The following AGBL4 variants were observed in gnomAD, a reference collection of about 807,000 sequenced individuals.
AGBL4 encodes cytosolic carboxypeptidase 6.
A neutral mutation model predicts 66.4 loss-of-function variants in AGBL4; 58 were observed. That is an observed-to-expected ratio of 0.87 (90% CI 0.71 to 1.09). The LOEUF (loss-of-function observed/expected upper bound fraction) is 1.09, where lower values mean the gene tolerates loss of function less well. AGBL4 is among the 50% of genes least tolerant of loss of function. The probability of loss-of-function intolerance (pLI) is 0.00; values close to 1 mark genes in which losing one functional copy is unlikely to be tolerated. For synonymous variants in AGBL4, 234 were observed against 222.9 expected, an observed-to-expected ratio of 1.05 and a Z score of -0.44; for missense variants, 579 against 631.0, an observed-to-expected ratio of 0.92 and a Z score of 0.88.
intron 5 of AGBL4, among the ~76,000 whole-genome samples, chr1:48,955,268 T>C (rs531440265): frequency 6.6e-6 from 1 of 152,320 alleles, no homozygotes; most frequent in African/African-American, 2.4e-5. Context: ...ACCACAGTTA[T>C]AATATTTTTG....
At chr1:49,739,635 T>A (rs1177453761) in intron 2 of AGBL4, among the ~76,000 whole-genome samples, 1 of 152,042 alleles carries the variant, frequency 6.6e-6, no homozygotes, top group African/African-American at 2.4e-5. Context: ...GGAAAAAATG[T>A]TAAGGGCAGC....
chr1:48,879,706 G>A (rs1485279956), intron 5 of AGBL4, among the ~76,000 whole-genome samples: 2 of 152,020 alleles, frequency 1.3e-5, no homozygotes, highest in African/African-American at 4.8e-5. Context: ...CAACATATCT[G>A]TACCATAATG....
intron 3 of AGBL4, among the ~76,000 whole-genome samples, chr1:49,623,802 T>C (rs1387493958): frequency 6.6e-6 from 1 of 152,188 alleles, no homozygotes; most frequent in Non-Finnish European, 1.5e-5. Context: ...TTAAACACCA[T>C]ATCCCTTGTG....
chr1:48,865,297 C>T (rs947936270), intron 6 of AGBL4, among the ~76,000 whole-genome samples: 3 of 152,188 alleles, frequency 2.0e-5, no homozygotes, highest in Non-Finnish European at 4.4e-5. Flanking sequence ...CTTTCTAAGT[C>T]ATGGCACACA....
chr1:49,907,334 C>T (rs1650373088), intron 1 of AGBL4, among the ~76,000 whole-genome samples: 1 of 152,048 alleles, frequency 6.6e-6, no homozygotes, highest in Admixed American at 6.6e-5. Context: ...ATTAAGTATA[C>T]CAGTCCTTAT....
At chr1:49,362,565 A>T (rs1644163079) in intron 3 of AGBL4, among the ~76,000 whole-genome samples, 1 of 151,950 alleles carries the variant, frequency 6.6e-6, no homozygotes, top group Non-Finnish European at 1.5e-5. Flanking sequence ...GGAGTAAGAA[A>T]CCAGTCTTTT....
At chr1:49,199,684 G>C (rs1470067701) in intron 4 of AGBL4, among the ~76,000 whole-genome samples, 1 of 152,138 alleles carries the variant, frequency 6.6e-6, no homozygotes, top group East Asian at 1.9e-4. Flanking sequence ...TTGGCTTTTA[G>C]AATTTTTAAC....
intron 2 of AGBL4, among the ~76,000 whole-genome samples, chr1:49,764,283 C>T (rs1195606707): frequency 6.6e-6 from 1 of 152,118 alleles, no homozygotes; most frequent in East Asian, 1.9e-4. Context: ...CCACAGCCAC[C>T]AGTCTCCACT....
intron 4 of AGBL4, among the ~76,000 whole-genome samples, chr1:49,241,571 T>C (rs927021392): frequency 6.6e-6 from 1 of 152,074 alleles, no homozygotes; most frequent in Non-Finnish European, 1.5e-5. Context: ...ACATATTTAA[T>C]GTTTAGCATA....
chr1:49,507,605 G>T (rs1648817889), intron 3 of AGBL4, among the ~76,000 whole-genome samples: 1 of 151,768 alleles, frequency 6.6e-6, no homozygotes, highest in Non-Finnish European at 1.5e-5. Flanking sequence ...GGAAGCTGCA[G>T]GTTATTCAAT....
intron 6 of AGBL4, among the ~76,000 whole-genome samples, chr1:48,832,303 CA>C (rs1646571965): frequency 6.6e-6 from 1 of 152,174 alleles, no homozygotes; most frequent in Non-Finnish European, 1.5e-5. Flanking sequence ...CATAGTCACA[CA>C]AATAAACATC....
At chr1:49,603,789 C>A (rs183442285) in intron 3 of AGBL4, among the ~76,000 whole-genome samples, 2 of 152,006 alleles carry the variant, frequency 1.3e-5, no homozygotes, top group African/African-American at 4.8e-5. Context: ...TAGCTTAGGC[C>A]GCACTTGTAA....
At chr1:48,758,876 T>C (rs377733697) in intron 6 of AGBL4, 77 of 1,483,318 alleles carry the variant, frequency 5.2e-5, no homozygotes, top group Non-Finnish European at 6.4e-5. Context: ...AGTGGAGTGG[T>C]AGGTGACCTG....
At chr1:49,853,538 A>G (rs1646358412) in intron 1 of AGBL4, among the ~76,000 whole-genome samples, 1 of 152,142 alleles carries the variant, frequency 6.6e-6, no homozygotes. Context: ...TATAATTGGG[A>G]TTCCCAAGGA....
intron 5 of AGBL4, among the ~76,000 whole-genome samples, chr1:48,874,854 A>G (rs913135243): frequency 1.3e-5 from 2 of 152,182 alleles, no homozygotes; most frequent in African/African-American, 4.8e-5. Context: ...AGCCTTCTAT[A>G]TGCAAGACCA....
chr1:49,937,481 C>G (rs1225729240), intron 1 of AGBL4, among the ~76,000 whole-genome samples: 2 of 152,066 alleles, frequency 1.3e-5, no homozygotes, highest in East Asian at 3.9e-4. Flanking sequence ...AGCTCTGCAC[C>G]AAGCAGACCT....
chr1:49,690,287 G>A, intron 3 of AGBL4, among the ~76,000 whole-genome samples: 1 of 152,128 alleles, frequency 6.6e-6, no homozygotes, highest in East Asian at 1.9e-4. Flanking sequence ...TCATTTCATT[G>A]CTATGATCTC....
At chr1:50,018,840 T>C (rs191276890) in intron 1 of AGBL4, among the ~76,000 whole-genome samples, 23 of 152,276 alleles carry the variant, frequency 1.5e-4, no homozygotes, top group Admixed American at 7.2e-4. Context: ...AGCTCACTTA[T>C]AATATAGAAA....
chr1:49,316,299 G>A (rs1437878382), intron 3 of AGBL4, among the ~76,000 whole-genome samples: 1 of 152,026 alleles, frequency 6.6e-6, no homozygotes, highest in Non-Finnish European at 1.5e-5. Flanking sequence ...TGACTCATCA[G>A]TTTTAACAAA....
Sources: allele counts gnomAD v4.1 joint callset (sites outside exome capture counted in the v4.1 genomes callset), GRCh38; gene constraint gnomAD v4.1.1; transcripts MANE v1.5; gene names NCBI Gene and HGNC (gene_info 2026-07-23, HGNC 2026-07-21).